DOCK1: variants seen among roughly 807,000 people sequenced by gnomAD.
DOCK1 encodes the protein dedicator of cytokinesis protein 1.
Under a neutral mutation model 262.7 loss-of-function variants are expected in DOCK1, and 138 were observed. The ratio of observed to expected loss-of-function variants is 0.53; its 90% CI spans 0.46 to 0.61. The LOEUF (loss-of-function observed/expected upper bound fraction) is 0.61, where lower values mean the gene tolerates loss of function less well. DOCK1 is among the 20% of genes least tolerant of loss of function. DOCK1 has a pLI of 0.00. For synonymous variants in DOCK1, 866 were observed against 867.4 expected (o/e 1.00, Z 0.03); for missense variants, 1,908 against 2,370.7 (o/e 0.80, Z 4.05).
chr10:126,948,700 G>A (rs1218871587), intron 1 of DOCK1, among the ~76,000 whole-genome samples: 4 of 152,016 alleles, frequency 2.6e-5, no homozygotes, highest in Admixed American at 6.6e-5. Context: ...ACCTCTCGGA[G>A]CCTGTGATGC....
At chr10:127,416,121 A>G (rs2068136689) in intron 44 of DOCK1, among the ~76,000 whole-genome samples, 2 of 152,294 alleles carry the variant, frequency 1.3e-5, no homozygotes, top group South Asian at 2.1e-4. Context: ...ATGGGCAGCT[A>G]TGGGCCACTC....
intron 24 of DOCK1, among the ~76,000 whole-genome samples, chr10:127,107,760 C>G (rs1405970426): frequency 6.6e-6 from 1 of 152,230 alleles, no homozygotes; most frequent in Non-Finnish European, 1.5e-5. Context: ...TTCCAGGGCT[C>G]TCTCATATTT....
chr10:127,444,042 G>A (rs1262675605), intron 49 of DOCK1, 84 bp from the exon 50 acceptor site: 1 of 1,514,214 alleles, frequency 6.6e-7, no homozygotes, highest in African/African-American at 1.4e-5. Context: ...ATGGGGGTCA[G>A]GACTTCAACA....
chr10:127,109,179 T>C (rs557629217), intron 24 of DOCK1, among the ~76,000 whole-genome samples: 1 of 152,312 alleles, frequency 6.6e-6, no homozygotes, highest in African/African-American at 2.4e-5. Context: ...AAACCAACAT[T>C]CTACCAGTAT....
chr10:126,914,036 T>C (rs1396871131), intron 1 of DOCK1, among the ~76,000 whole-genome samples: 1 of 152,238 alleles, frequency 6.6e-6, no homozygotes, highest in East Asian at 1.9e-4. Context: ...TCATCCTTTA[T>C]TGATTGCTTT....
At chr10:127,440,561 G>A (rs896413058) in intron 49 of DOCK1, among the ~76,000 whole-genome samples, 5 of 152,138 alleles carry the variant, frequency 3.3e-5, no homozygotes, top group African/African-American at 4.8e-5. Context: ...CCTGGGCGTC[G>A]GCGGGCTGTG....
intron 12 of DOCK1, among the ~76,000 whole-genome samples, chr10:127,013,078 CT>C (rs1228563403): frequency 1.4e-4 from 22 of 152,312 alleles, no homozygotes; most frequent in African/African-American, 4.8e-4. Context: ...TGTCACTAGA[CT>C]TTTAAAAAAC....
Position 126,972,196 on chromosome 10 carries a change from A to G in DOCK1, c.130+1411A>G, listed in dbSNP as rs368261515. On this transcript the variant is annotated intron_variant, in intron 2 of 51. Coordinates refer to ENST00000623213, the MANE Select transcript of DOCK1 (RefSeq NM_001290223.2). ...CTCCCAAAGTGCTAGGATTACAGGC[A>G]TGAGCCACCGTGCCCGTCCTGAAGC... is the stretch of plus-strand genomic sequence containing the variant. Among the ~76,000 whole-genome samples the G allele has an allele frequency of 1.1e-3, 163 of 152,284 alleles. 1 individual carries two copies. The highest frequency in any genetic ancestry group is 3.6e-3 in the African/African-American group (151 of 41,574).
intron 16 of DOCK1, among the ~76,000 whole-genome samples, chr10:127,028,672 C>T (rs965421766): frequency 2.6e-5 from 4 of 152,166 alleles, no homozygotes; most frequent in Non-Finnish European, 5.9e-5. Flanking sequence ...TGGGGTTTCT[C>T]CTCTTGCAGA....
chr10:126,912,642 C>T (rs1388644486), intron 1 of DOCK1, among the ~76,000 whole-genome samples: 1 of 150,172 alleles, frequency 6.7e-6, no homozygotes, highest in Non-Finnish European at 1.5e-5. Flanking sequence ...AGGAGAATGG[C>T]GTGAACCCGG....
chr10:127,196,439 G>A (rs1271849759), intron 27 of DOCK1, among the ~76,000 whole-genome samples: 1 of 148,826 alleles, frequency 6.7e-6, no homozygotes, highest in East Asian at 2.0e-4. Context: ...GCCAGGAGGC[G>A]GGGGCGGGGC....
chr10:127,081,117 T>C (rs558423756), intron 23 of DOCK1, among the ~76,000 whole-genome samples: 11 of 152,218 alleles, frequency 7.2e-5, no homozygotes, highest in Admixed American at 1.3e-4. Flanking sequence ...TATTAGAAGA[T>C]AGAACGATTT....
intron 29 of DOCK1, among the ~76,000 whole-genome samples, chr10:127,318,470 G>A (rs1264302941): frequency 6.6e-6 from 1 of 152,168 alleles, no homozygotes; most frequent in African/African-American, 2.4e-5. Context: ...GTGTGCAGGA[G>A]GCAGTAGCCT....
intron 26 of DOCK1, among the ~76,000 whole-genome samples, chr10:127,126,401 A>G (rs1282958442): frequency 2.0e-5 from 3 of 150,734 alleles, no homozygotes; most frequent in Non-Finnish European, 4.4e-5. Flanking sequence ...GCATTTCTAA[A>G]TTGTATGCTT....
At chr10:127,254,985 G>A (rs550420608) in intron 28 of DOCK1, among the ~76,000 whole-genome samples, 1 of 152,328 alleles carries the variant, frequency 6.6e-6, no homozygotes, top group African/African-American at 2.4e-5. Context: ...TTATTCTAGT[G>A]GGTGGGCACA....
At chr10:127,168,238 A>C (rs2133793368) in intron 27 of DOCK1, among the ~76,000 whole-genome samples, 1 of 152,352 alleles carries the variant, frequency 6.6e-6, no homozygotes, top group Non-Finnish European at 1.5e-5. Context: ...GGCTGACCTC[A>C]GCCAGCTGGC....
intron 27 of DOCK1, among the ~76,000 whole-genome samples, chr10:127,241,063 C>T (rs113441541): frequency 1.7e-3 from 262 of 152,262 alleles, no homozygotes; most frequent in African/African-American, 5.9e-3. Context: ...GTGGCTCACG[C>T]CTGTAATCCC....
chr10:127,245,654 C>T (rs913954150), intron 27 of DOCK1, among the ~76,000 whole-genome samples: 6 of 152,128 alleles, frequency 3.9e-5, no homozygotes, highest in African/African-American at 1.2e-4. Flanking sequence ...CAGTCTGCTG[C>T]CTGAATTCAG....
intron 2 of DOCK1, among the ~76,000 whole-genome samples, chr10:126,972,574 TG>T (rs796480287): frequency 6.6e-6 from 1 of 152,018 alleles, no homozygotes; most frequent in East Asian, 1.9e-4. Context: ...CATGGGAGGT[TG>T]GGGGTGAGAG....
Sources: gnomAD v4.1 joint callset for allele counts (sites outside exome capture counted in the v4.1 genomes callset) on GRCh38, gnomAD v4.1.1 for gene constraint, MANE v1.5 for transcripts, NCBI Gene and HGNC (gene_info 2026-07-23, HGNC 2026-07-21) for gene names.